Variants in PAN3 observed in about 807,000 individuals in gnomAD.
PAN3 encodes the protein PAN2-PAN3 deadenylation complex subunit PAN3.
A neutral mutation model predicts 96.2 loss-of-function variants in PAN3; 19 were observed. The observed-to-expected ratio is 0.20, with a 90% CI of 0.14 to 0.29. The LOEUF is 0.29. Ranked by LOEUF, PAN3 falls within the 10% of genes least tolerant of loss-of-function variation. The pLI is 1.00. For synonymous variants in PAN3, 433 were observed against 406.6 expected (o/e 1.06, Z -0.78); for missense variants, 882 against 1,108.1 (o/e 0.80, Z 2.90).
intron 5 of PAN3, among the ~76,000 whole-genome samples, chr13:28,204,440 TTAAA>T (rs1176834033): frequency 6.6e-6 from 1 of 152,232 alleles, no homozygotes; most frequent in East Asian, 1.9e-4. Flanking sequence ...ATAATAGATA[TTAAA>T]TAAATGTCCA....
chr13:28,277,512 T>G (rs1206683172), intron 15 of PAN3, 136 bp downstream of exon 15: 1 of 848,956 alleles, frequency 1.2e-6, no homozygotes, highest in African/African-American at 1.8e-5. Context: ...TTATTTTTAT[T>G]GCAAAGTAAA....
chr13:28,145,354 T>A (rs998188761), intron 1 of PAN3, among the ~76,000 whole-genome samples: 9 of 152,164 alleles, frequency 5.9e-5, no homozygotes, highest in African/African-American at 2.2e-4. Context: ...AGACAGAGTC[T>A]CACTCTATCA....
In PAN3 at chr13:28,293,366, T is replaced by C. The variant is rs1165976067; in HGVS notation, c.*844T>C. 6.7e-6 allele frequency: 1 copy of C among 148,432 alleles called. No homozygotes were observed. The highest frequency in any genetic ancestry group is 2.2e-4 in the South Asian group (1 of 4,650). 9.2% of individuals were successfully genotyped at this position (148,432 alleles called of 1,614,324 possible). A position where few individuals can be genotyped will look rare whatever the true frequency, so the allele number is the denominator to read the frequency against. The stretch of plus-strand genomic sequence containing the variant: ...CCTAAAGTTCAGGAGTGTATTACTT[T>C]AGGTTCTTTCCAGTTTGCTGGTTTT... On this transcript the variant is annotated 3_prime_UTR_variant, in exon 19 of 19. Coordinates refer to ENST00000380958, the MANE Select transcript of PAN3 (RefSeq NM_175854.8).
At chr13:28,230,804 AAAC>A (rs1882469139) in intron 6 of PAN3, among the ~76,000 whole-genome samples, 1 of 152,086 alleles carries the variant, frequency 6.6e-6, no homozygotes, top group Non-Finnish European at 1.5e-5. Flanking sequence ...TCTTGTTTGT[AAAC>A]AACACAACAC....
At chr13:28,152,746 C>T (rs1399631454) in intron 1 of PAN3, among the ~76,000 whole-genome samples, 1 of 152,144 alleles carries the variant, frequency 6.6e-6, no homozygotes, top group Non-Finnish European at 1.5e-5. Flanking sequence ...AATGACAGCC[C>T]TTCAGAAAAC....
At chr13:28,247,342 C>G (rs993162072) in intron 6 of PAN3, among the ~76,000 whole-genome samples, 2 of 151,758 alleles carry the variant, frequency 1.3e-5, no homozygotes, top group Non-Finnish European at 1.5e-5. Flanking sequence ...ATCAATTTCC[C>G]GATGAAGGGA....
intron 5 of PAN3, among the ~76,000 whole-genome samples, chr13:28,200,653 T>C (rs1169426608): frequency 6.6e-6 from 1 of 152,208 alleles, no homozygotes; most frequent in African/African-American, 2.4e-5. Flanking sequence ...TATTAAACAG[T>C]GATACATTTG....
At chr13:28,290,986 A>G (rs903730207) in intron 18 of PAN3, among the ~76,000 whole-genome samples, 3 of 152,124 alleles carry the variant, frequency 2.0e-5, no homozygotes. Flanking sequence ...TTTAATGAAT[A>G]TTAGGATAAT....
At position 28,176,494 on chromosome 13, in the gene PAN3, G is replaced by A; in HGVS notation, c.554G>A (p.Arg185Lys). ...ATAAATAAATATTTTGTTTTTCAGA[G>A]AATGACTAATAGTAGCAGCTCCCCA... ...PVETKYPLMQ[R>K]MTNSSSSPSL... The change falls in exon 3 of 19, where the codon AGA becomes AAA. Residue 185 changes from arginine to lysine, a missense_variant and splice_region_variant. Coordinates refer to ENST00000380958, the MANE Select transcript of PAN3 (RefSeq NM_175854.8). 1.2e-6 allele frequency: 2 copies of A among 1,613,164 alleles called. No individual in the cohort carries two copies. Among genetic ancestry groups the A allele is most frequent in the Non-Finnish European group, 1.7e-6 (2 of 1,179,266 alleles).
intron 6 of PAN3, chr13:28,239,778 A>G: frequency 2.4e-6 from 2 of 826,314 alleles, no homozygotes; most frequent in Non-Finnish European, 3.5e-6. Flanking sequence ...TTGTGAAAAC[A>G]GGGTTTGTGA....
chr13:28,245,297 TTA>T (rs1418618037), intron 6 of PAN3, among the ~76,000 whole-genome samples: 1 of 152,212 alleles, frequency 6.6e-6, no homozygotes, highest in East Asian at 1.9e-4. Context: ...CAGTAGGTTT[TTA>T]TGTTTTCTTC....
intron 14 of PAN3, 117 bp downstream of exon 14, chr13:28,272,188 C>G: frequency 1.6e-6 from 1 of 627,212 alleles, no homozygotes; most frequent in Non-Finnish European, 2.6e-6. Flanking sequence ...GGGGTGGTGT[C>G]TATGCAGACT....
chr13:28,271,773 C>T (rs1886641449), intron 13 of PAN3, among the ~76,000 whole-genome samples: 1 of 152,184 alleles, frequency 6.6e-6, no homozygotes, highest in Admixed American at 6.5e-5. Flanking sequence ...CTGACTTTTA[C>T]AGCTGTAGGT....
intron 1 of PAN3, among the ~76,000 whole-genome samples, chr13:28,171,674 T>TG (rs980341111): frequency 1.3e-5 from 2 of 152,220 alleles, no homozygotes; most frequent in African/African-American, 4.8e-5. Flanking sequence ...TCTGTGGAGT[T>TG]GGGGTGTGCC....
At chr13:28,242,367 A>G (rs1883753057) in intron 6 of PAN3, among the ~76,000 whole-genome samples, 1 of 152,158 alleles carries the variant, frequency 6.6e-6, no homozygotes, top group Non-Finnish European at 1.5e-5. Context: ...CTTCACCTCT[A>G]ATCCATTTTT....
In PAN3 at chr13:28,223,639, C is replaced by A. The variant is rs886878837; in HGVS notation, c.1000+3261C>A. On this transcript the variant is annotated intron_variant, in intron 6 of 18. Transcript: ENST00000380958. The stretch of plus-strand genomic sequence containing the variant: ...AGTGCAGTGGCGCGATCTCTGCTCA[C>A]TGCAACCTCCACCTCCTGGAGAACC... 8.8e-4 allele frequency among the ~76,000 whole-genome samples: 133 copies of A among 151,936 alleles called. 1 individual carries two copies. Among genetic ancestry groups the A allele is most frequent in the African/African-American group, 3.2e-3 (131 of 41,410 alleles).
chr13:28,180,527 CTG>C, intron 4 of PAN3, among the ~76,000 whole-genome samples: 1 of 152,184 alleles, frequency 6.6e-6, no homozygotes, highest in East Asian at 1.9e-4. Context: ...GAAAAAATGT[CTG>C]TTTAACGAAG....
chr13:28,277,441 T>C lies in PAN3; in HGVS notation c.2189+65T>C, dbSNP rs546219616. ...TTGCGATAAGACAGAGCTTTTTTTG[T>C]TTTAAGTGATTGTTTTGGTTCCCAC... On this transcript the variant is annotated intron_variant, in intron 15 of 18. Transcript: ENST00000380958. 9.4e-6 allele frequency: 14 copies of C among 1,496,290 alleles called. No homozygotes were observed. The African/African-American group carries it at 1.4e-4, about 15-fold the overall frequency. 92.7% of individuals were successfully genotyped at this position (1,496,290 alleles called of 1,614,324 possible).
At chr13:28,199,323 CT>C (rs1278094774) in intron 5 of PAN3, among the ~76,000 whole-genome samples, 56 of 146,662 alleles carry the variant, frequency 3.8e-4, no homozygotes, top group Admixed American at 3.4e-4. Flanking sequence ...TTCTGAGGTA[CT>C]TTTTTTTTTA....
Sources: gnomAD v4.1 joint callset for allele counts (sites outside exome capture counted in the v4.1 genomes callset) on GRCh38, gnomAD v4.1.1 for gene constraint, MANE v1.5 for transcripts, NCBI Gene and HGNC (gene_info 2026-07-23, HGNC 2026-07-21) for gene names.